SEPTIN8: variants seen among roughly 807,000 people sequenced by gnomAD.
SEPTIN8 encodes septin-8.
In SEPTIN8, 22 loss-of-function variants were observed where a neutral mutation model predicts 53.1. The observed-to-expected ratio is 0.41, with a 90% CI of 0.30 to 0.59. The LOEUF is 0.59. Ranked by LOEUF, SEPTIN8 falls within the 20% of genes least tolerant of loss-of-function variation. The probability of loss-of-function intolerance (pLI) is 0.24; values close to 1 mark genes in which losing one functional copy is unlikely to be tolerated. For missense variants in SEPTIN8, 536 were observed against 638.7 expected, an observed-to-expected ratio of 0.84 and a Z score of 1.73; for synonymous variants, 228 against 248.4, an observed-to-expected ratio of 0.92 and a Z score of 0.77.
chr5:132,765,335 AG>A (rs1325139934), intron 2 of SEPTIN8, 73 bp downstream of exon 2: 4 of 1,567,726 alleles, frequency 2.6e-6, no homozygotes, highest in Non-Finnish European at 3.5e-6. Flanking sequence ...GCAGCTCAAC[AG>A]GGGGCCAGAA....
rs1383068328 is a variant in SEPTIN8 at position 132,750,952 on chromosome 5, G to C, written c.*1064C>G. The C allele has an allele frequency of 3.1e-6, 5 of 1,614,260 alleles. No homozygotes were observed. The highest frequency in any genetic ancestry group is 4.2e-6 in the Non-Finnish European group (5 of 1,180,046). ...TGGAGCTGGCTATTCTGGACAGACT[G>C]CACTGGGACCTCTATATTGGGACGC... is the stretch of plus-strand genomic sequence containing the variant. On this transcript the variant is annotated 3_prime_UTR_variant, in exon 10 of 10. Transcript: ENST00000378719.
intron 9 of SEPTIN8, chr5:132,755,888 C>G: frequency 1.2e-6 from 1 of 839,126 alleles, no homozygotes; most frequent in Non-Finnish European, 1.4e-6. Context: ...AGTAGATCAA[C>G]CTCCACAAAA....
At position 132,761,049 on chromosome 5, in the gene SEPTIN8, G is replaced by A; in HGVS notation, c.1096-57C>T. The A allele has an allele frequency of 1.2e-6, 2 of 1,600,228 alleles. No homozygotes were observed. Among genetic ancestry groups the A allele is most frequent in the Non-Finnish European group, 1.7e-6 (2 of 1,172,456 alleles). ...GAGCAAGAGGAGGGCTTGAGCCTGG[G>A]CCAGGAAGGCACCCCCACCTCTACC... On this transcript the variant is annotated intron_variant, in intron 8 of 9. Transcript: ENST00000378719. The surrounding 1 kb of genome is among the most constrained non-coding windows in gnomAD (Gnocchi z 5.8).
chr5:132,775,276 C>T (rs147950191), intron 1 of SEPTIN8, among the ~76,000 whole-genome samples: 87 of 152,318 alleles, frequency 5.7e-4, no homozygotes, highest in Non-Finnish European at 1.0e-3. Context: ...CATCTCTGGA[C>T]GAGCAGGGAT....
chr5:132,751,618 G>A lies in SEPTIN8; in HGVS notation c.*398C>T. ...CTGGCCACCGTTGCCAAGTTGCAGA[G>A]TTTCGTCTTATGATAAGCAGATACA... On this transcript the variant is annotated 3_prime_UTR_variant, in exon 10 of 10. Coordinates refer to ENST00000378719, the MANE Select transcript of SEPTIN8 (RefSeq NM_001098811.2). The A allele has an allele frequency of 3.0e-6, 1 of 335,936 alleles. No homozygotes were observed. The highest frequency in any genetic ancestry group is 6.0e-5 in the East Asian group (1 of 16,728). 20.8% of individuals were successfully genotyped at this position (335,936 alleles called of 1,614,324 possible).
At chr5:132,767,991 C>CACACACACACACA (rs1581178346) in intron 1 of SEPTIN8, among the ~76,000 whole-genome samples, 1 of 86,938 alleles carries the variant, frequency 1.2e-5, no homozygotes, top group East Asian at 1.2e-3. Flanking sequence ...ACACACGCAG[C>CACACACACACACA]CGCAGAGCAC....
At chr5:132,769,872 A>G (rs1260099565) in intron 1 of SEPTIN8, among the ~76,000 whole-genome samples, 2 of 150,262 alleles carry the variant, frequency 1.3e-5, no homozygotes, top group East Asian at 1.9e-4. Flanking sequence ...CTTATGCTCA[A>G]TCCATGGTGG....
Position 132,751,564 on chromosome 5 carries a change from A to C in SEPTIN8, c.*452T>G, listed in dbSNP as rs1754843659. On this transcript the variant is annotated 3_prime_UTR_variant, in exon 10 of 10. Transcript: ENST00000378719. ...GGTTTGTTATGAAGCATGAAGATTAAATTACTAAAGACTGTTTCATTACGA... is the reference window on the plus strand; with the variant it reads ...GGTTTGTTATGAAGCATGAAGATTACATTACTAAAGACTGTTTCATTACGA... The C allele has an allele frequency of 4.2e-6, 1 of 239,286 alleles. No homozygotes were observed. Among genetic ancestry groups the C allele is most frequent in the African/African-American group, 2.3e-5 (1 of 43,536 alleles). 14.8% of individuals were successfully genotyped at this position (239,286 alleles called of 1,614,324 possible).
intron 9 of SEPTIN8, chr5:132,756,303 G>C: frequency 3.0e-6 from 3 of 984,208 alleles, no homozygotes; most frequent in African/African-American, 3.5e-5. Flanking sequence ...GCCTGGGACA[G>C]GTCTGGTTTA....
intron 9 of SEPTIN8, chr5:132,758,168 A>G: frequency 9.4e-7 from 1 of 1,060,836 alleles, no homozygotes; most frequent in Non-Finnish European, 1.1e-6. Context: ...TTTATTACCC[A>G]CCTCTCCCTG....
At position 132,773,928 on chromosome 5, in the gene SEPTIN8, G is replaced by A. The variant is rs544432337; in HGVS notation, c.30+3180C>T. Reference sequence around the variant, plus strand: ...GGGAGGGCAGGCAGACTCACCTCCTGGGGGAGAGGGCAGAGCTGCAGCTCT... The same window carrying A: ...GGGAGGGCAGGCAGACTCACCTCCTAGGGGAGAGGGCAGAGCTGCAGCTCT... On this transcript the variant is annotated intron_variant, in intron 1 of 9. Coordinates refer to ENST00000378719, the MANE Select transcript of SEPTIN8 (RefSeq NM_001098811.2). The surrounding 1 kb of genome is among the most constrained non-coding windows in gnomAD (Gnocchi z 4.2). 2.0e-5 allele frequency: 3 copies of A among 152,464 alleles called. No homozygotes were observed. Among genetic ancestry groups the A allele is most frequent in the East Asian group, 1.9e-4 (1 of 5,176 alleles). The allele number at this position is 152,464 out of a possible 1,614,324, so 9.4% of individuals were successfully genotyped here. A position where few individuals can be genotyped will look rare whatever the true frequency, so the allele number is the denominator to read the frequency against.
At chr5:132,757,334 G>C in intron 9 of SEPTIN8, 1 of 985,406 alleles carries the variant, frequency 1.0e-6, no homozygotes, top group Non-Finnish European at 1.2e-6. Context: ...GCCTCTTCCT[G>C]GCCGTGCCTC....
At position 132,761,469 on chromosome 5, in the gene SEPTIN8, G is replaced by T; in HGVS notation, c.951C>A (p.Ser317Arg). 1 of 1,611,230 alleles carries T rather than the reference G, an allele frequency of 6.2e-7. No individual in the cohort carries two copies. The highest frequency in any genetic ancestry group is 8.5e-7 in the Non-Finnish European group (1 of 1,179,444). ...GCTCAGGCTGTCACCTGAAGGGCTG[G>T]CTGTCACCATCGCTGTCCTGAAAGC... ...EMGFQDSDGDSQPFSLQETYE... is the reference protein window; with the variant it reads ...EMGFQDSDGDRQPFSLQETYE... The change falls in exon 7 of 10, where the codon AGC becomes AGA. Residue 317 changes from serine (S) to arginine (R), a missense_variant. By Grantham distance (110) the Ser-to-Arg change is moderately radical. Around this residue, in one of 3 missense-constraint regions of SEPTIN8, gnomAD observed 395 missense variants for 451.8 expected, o/e 0.87. Transcript: ENST00000378719. The surrounding 1 kb of genome is among the most constrained non-coding windows in gnomAD (Gnocchi z 5.8).
chr5:132,776,842 C>G lies in SEPTIN8; in HGVS notation c.30+266G>C, dbSNP rs1757846967. Among the ~76,000 whole-genome samples the G allele has an allele frequency of 2.6e-5, 4 of 152,156 alleles. No individual in the cohort carries two copies. Among genetic ancestry groups the G allele is most frequent in the Admixed American group, 2.6e-4 (4 of 15,286 alleles). Reference sequence around the variant, plus strand: ...CGCACCTGCCCGGAGCCAGGCGGGTCTTTGCTCCTTCCCGCGAAAGGGGTT... The same window carrying G: ...CGCACCTGCCCGGAGCCAGGCGGGTGTTTGCTCCTTCCCGCGAAAGGGGTT... On this transcript the variant is annotated intron_variant, in intron 1 of 9. Coordinates refer to ENST00000378719, the MANE Select transcript of SEPTIN8 (RefSeq NM_001098811.2). The surrounding 1 kb of genome is among the most constrained non-coding windows in gnomAD (Gnocchi z 4.4).
intron 1 of SEPTIN8, among the ~76,000 whole-genome samples, chr5:132,769,451 A>G (rs1205163538): frequency 6.6e-6 from 1 of 152,224 alleles, no homozygotes; most frequent in Non-Finnish European, 1.5e-5. Context: ...GGCTAAGCCT[A>G]AACTCAAATG....
intron 9 of SEPTIN8, 21 bp from the exon 10 acceptor site, chr5:132,752,202 C>T: frequency 1.3e-6 from 2 of 1,561,432 alleles, no homozygotes; most frequent in South Asian, 2.4e-5. Flanking sequence ...CACAGGTAGA[C>T]ATCAACTTTG....
intron 1 of SEPTIN8, among the ~76,000 whole-genome samples, chr5:132,775,005 T>A (rs1397793107): frequency 6.6e-6 from 1 of 152,112 alleles, no homozygotes; most frequent in Non-Finnish European, 1.5e-5. Context: ...TCCAACCCTA[T>A]CCAAGCCCTT....
rs1227834750 is a variant in SEPTIN8 at position 132,770,091 on chromosome 5, ATATATATATGTATATATG to A, written c.31-4580_31-4563del. On this transcript the variant is annotated intron_variant, in intron 1 of 9. Coordinates refer to ENST00000378719, the MANE Select transcript of SEPTIN8 (RefSeq NM_001098811.2). ...TATATATATATATATGTATATATGTATATATATATGTATATATGTATATATATATATATGTATATATGT... is the reference window on the plus strand; with the variant it reads ...TATATATATATATATGTATATATGTATATATATATATATATGTATATATGT... Among the ~76,000 whole-genome samples, 158 of 35,810 alleles carry A rather than the reference ATATATATATGTATATATG, an allele frequency of 4.4e-3. 3 individuals are homozygous for A. The highest frequency in any genetic ancestry group is 5.0e-3 in the Non-Finnish European group (125 of 24,832). The allele number at this position is 35,810 out of a possible 152,430, so 23.5% of individuals were successfully genotyped here.
chr5:132,750,906 C>T lies in SEPTIN8; in HGVS notation c.*1110G>A, dbSNP rs201743940. 2 of 1,614,230 alleles carry T rather than the reference C, an allele frequency of 1.2e-6. No homozygotes were observed. Among genetic ancestry groups the T allele is most frequent in the East Asian group, 2.2e-5 (1 of 44,892 alleles). ...ACAAAGCACTATGGCTCTGACTATT[C>T]CCCGAATGAGCTGCTGAGGATGGAG... On this transcript the variant is annotated 3_prime_UTR_variant, in exon 10 of 10. Coordinates refer to ENST00000378719, the MANE Select transcript of SEPTIN8 (RefSeq NM_001098811.2).
Sources: gnomAD v4.1 joint callset for allele counts (sites outside exome capture counted in the v4.1 genomes callset) on GRCh38, gnomAD v4.1.1 for gene constraint, gnomAD v4.1.1 regional missense constraint, Gnocchi (gnomAD v3.1) non-coding constraint, MANE v1.5 for transcripts, NCBI Gene and HGNC (gene_info 2026-07-23, HGNC 2026-07-21) for gene names.